AGBL4: variants seen among roughly 807,000 people sequenced by gnomAD.
AGBL4 encodes the protein AGBL carboxypeptidase 4.
Under a neutral mutation model 66.4 loss-of-function variants are expected in AGBL4, and 58 were observed. That is an observed-to-expected ratio of 0.87 (90% confidence interval 0.71 to 1.09). The LOEUF (loss-of-function observed/expected upper bound fraction) is 1.09. Ranked by LOEUF, AGBL4 falls within the 50% of genes least tolerant of loss-of-function variation. The pLI, the probability that AGBL4 is intolerant of heterozygous loss-of-function variation, is 0.00. For missense variants in AGBL4, 579 were observed against 631.0 expected (o/e 0.92, Z 0.88); for synonymous variants, 234 against 222.9 (o/e 1.05, Z -0.44).
chr1:49,463,643 T>C (rs1646563426), intron 3 of AGBL4, among the ~76,000 whole-genome samples: 1 of 151,778 alleles, frequency 6.6e-6, no homozygotes, highest in East Asian at 1.9e-4. Flanking sequence ...GAAAAGGAGA[T>C]GGGGAGTAAT....
intron 1 of AGBL4, among the ~76,000 whole-genome samples, chr1:49,963,175 C>G (rs1310388694): frequency 6.6e-6 from 1 of 152,136 alleles, no homozygotes; most frequent in African/African-American, 2.4e-5. Flanking sequence ...TATTGGAAAA[C>G]TGCAACACTT....
At chr1:50,011,108 A>G (rs551636544) in intron 1 of AGBL4, among the ~76,000 whole-genome samples, 2 of 152,346 alleles carry the variant, frequency 1.3e-5, no homozygotes, top group South Asian at 4.1e-4. Flanking sequence ...AGATAAATTT[A>G]ACAAAAAGAT....
chr1:49,963,852 G>T (rs1657326827), intron 1 of AGBL4, among the ~76,000 whole-genome samples: 1 of 151,860 alleles, frequency 6.6e-6, no homozygotes, highest in Admixed American at 6.6e-5. Context: ...ATTTTTTAAA[G>T]TTAAATTCTC....
intron 2 of AGBL4, among the ~76,000 whole-genome samples, chr1:49,743,518 A>G (rs373412990): frequency 3.3e-5 from 5 of 152,212 alleles, no homozygotes; most frequent in Admixed American, 6.6e-5. Flanking sequence ...ATCTAGAACT[A>G]GAAATACCAT....
At chr1:49,357,535 T>C (rs2148529934) in intron 3 of AGBL4, among the ~76,000 whole-genome samples, 1 of 152,188 alleles carries the variant, frequency 6.6e-6, no homozygotes, top group Admixed American at 6.6e-5. Flanking sequence ...GGTACTAGAG[T>C]AAGAATATTC....
intron 6 of AGBL4, among the ~76,000 whole-genome samples, chr1:48,716,318 T>C (rs1314592200): frequency 6.6e-6 from 1 of 152,152 alleles, no homozygotes; most frequent in Non-Finnish European, 1.5e-5. Flanking sequence ...TCCAACAGAC[T>C]TGGATTTGAA....
chr1:49,996,459 A>C (rs1660375052), intron 1 of AGBL4, among the ~76,000 whole-genome samples: 2 of 152,172 alleles, frequency 1.3e-5, no homozygotes, highest in Non-Finnish European at 2.9e-5. Flanking sequence ...CAAGTAGAAG[A>C]AAGAACTTCA....
chr1:49,227,311 A>G (rs1268012595), intron 4 of AGBL4, among the ~76,000 whole-genome samples: 1 of 152,222 alleles, frequency 6.6e-6, no homozygotes, highest in Non-Finnish European at 1.5e-5. Context: ...CAATGATAAC[A>G]TGTAGATAGG....
At chr1:49,298,890 C>A (rs1354059053) in intron 3 of AGBL4, among the ~76,000 whole-genome samples, 1 of 152,170 alleles carries the variant, frequency 6.6e-6, no homozygotes, top group Non-Finnish European at 1.5e-5. Flanking sequence ...TGATCCTCTG[C>A]AATCTAGCCA....
intron 3 of AGBL4, among the ~76,000 whole-genome samples, chr1:49,305,486 G>A (rs1644832942): frequency 6.6e-6 from 1 of 152,120 alleles, no homozygotes; most frequent in African/African-American, 2.4e-5. Flanking sequence ...TTTGGTTGCT[G>A]ATGTGAACCT....
intron 1 of AGBL4, among the ~76,000 whole-genome samples, chr1:49,957,223 T>C (rs1234627694): frequency 6.6e-6 from 1 of 151,870 alleles, no homozygotes; most frequent in Non-Finnish European, 1.5e-5. Flanking sequence ...ACAAAGAATA[T>C]GTCAAAGAAA....
chr1:48,892,155 G>A (rs1198236038), intron 5 of AGBL4, among the ~76,000 whole-genome samples: 3 of 152,086 alleles, frequency 2.0e-5, no homozygotes, highest in African/African-American at 7.2e-5. Context: ...GGTGGTTGCT[G>A]GCAGTCTTTG....
chr1:48,740,117 A>G (rs1367617583), intron 6 of AGBL4, among the ~76,000 whole-genome samples: 6 of 152,214 alleles, frequency 3.9e-5, no homozygotes, highest in African/African-American at 9.7e-5. Flanking sequence ...AGATGAAAAT[A>G]TTTTCTGACA....
intron 5 of AGBL4, among the ~76,000 whole-genome samples, chr1:48,990,844 C>A (rs567513898): frequency 6.6e-5 from 10 of 152,232 alleles, no homozygotes; most frequent in Admixed American, 2.0e-4. Flanking sequence ...AACTAACACA[C>A]AAGCAAAGGG....
intron 6 of AGBL4, among the ~76,000 whole-genome samples, chr1:48,674,592 T>A (rs1646335357): frequency 6.6e-6 from 1 of 152,176 alleles, no homozygotes; most frequent in Admixed American, 6.5e-5. Flanking sequence ...TTTAGAATTC[T>A]AGCTCTGCGA....
intron 3 of AGBL4, among the ~76,000 whole-genome samples, chr1:49,274,902 A>T (rs1198712908): frequency 6.6e-6 from 1 of 152,210 alleles, no homozygotes; most frequent in East Asian, 1.9e-4. Flanking sequence ...GTTTTCCAGC[A>T]TTAAGAAAAC....
chr1:49,183,551 C>G (rs1446921259), intron 4 of AGBL4, among the ~76,000 whole-genome samples: 1 of 152,096 alleles, frequency 6.6e-6, no homozygotes, highest in Non-Finnish European at 1.5e-5. Context: ...GATCATGCTG[C>G]CTCTCCACTT....
chr1:48,890,242 A>T (rs544603300), intron 5 of AGBL4, among the ~76,000 whole-genome samples: 2 of 152,128 alleles, frequency 1.3e-5, no homozygotes, highest in Admixed American at 6.5e-5. Context: ...TACCCAGAAT[A>T]CCTATGGTAG....
At chr1:49,740,117 G>C (rs552485139) in intron 2 of AGBL4, among the ~76,000 whole-genome samples, 3 of 152,296 alleles carry the variant, frequency 2.0e-5, no homozygotes, top group East Asian at 1.9e-4. Context: ...ATTGGATAAA[G>C]AGGCAAGATC....
Sources: allele counts gnomAD v4.1 joint callset (sites outside exome capture counted in the v4.1 genomes callset), GRCh38; gene constraint gnomAD v4.1.1; transcripts MANE v1.5; gene names NCBI Gene and HGNC (gene_info 2026-07-23, HGNC 2026-07-21).